RGS7: variants seen among roughly 807,000 people sequenced by gnomAD.
The protein encoded by RGS7 is regulator of G-protein signaling 7.
In RGS7, 27 loss-of-function variants were observed where a neutral mutation model predicts 81.1. The observed-to-expected ratio is 0.33, with a 90% confidence interval of 0.25 to 0.46. The LOEUF (loss-of-function observed/expected upper bound fraction) is 0.46, where lower values mean the gene tolerates loss of function less well. Ranked by LOEUF, RGS7 falls within the 20% of genes least tolerant of loss-of-function variation. RGS7 has a pLI of 1.00. For synonymous variants in RGS7, 208 were observed against 207.7 expected (o/e 1.00, Z -0.01); for missense variants, 396 against 607.4 (o/e 0.65, Z 3.66).
chr1:240,959,637 T>C (rs1216275986), intron 4 of RGS7, among the ~76,000 whole-genome samples: 1 of 152,194 alleles, frequency 6.6e-6, no homozygotes, highest in African/African-American at 2.4e-5. Context: ...TATATGACTA[T>C]ATATAATTTT....
chr1:241,077,431 G>T (rs2148886265), intron 3 of RGS7, among the ~76,000 whole-genome samples: 1 of 152,282 alleles, frequency 6.6e-6, no homozygotes. Flanking sequence ...GAAGGGATGG[G>T]CATACTACTG....
Position 241,148,232 on chromosome 1 carries a change from G to GA in RGS7, c.79-49471dup, listed in dbSNP as rs1346585566. On this transcript the variant is annotated intron_variant, in intron 2 of 18. Coordinates refer to ENST00000440928, the MANE Select transcript of RGS7 (RefSeq NM_001364886.1). Reference sequence around the variant, plus strand: ...TGCCCAGCTAATTTTTATAATTTTAGAAAAGACAAAATTTTGTCATGTTGG... The same window carrying GA: ...TGCCCAGCTAATTTTTATAATTTTAGAAAAAGACAAAATTTTGTCATGTTGG... 2.6e-5 allele frequency among the ~76,000 whole-genome samples: 4 copies of GA among 151,708 alleles called. No homozygotes were observed. In the East Asian group the frequency reaches 7.8e-4, roughly 29 times the overall value.
intron 18 of RGS7, among the ~76,000 whole-genome samples, chr1:240,787,212 C>G (rs956412808): frequency 1.3e-5 from 2 of 152,088 alleles, no homozygotes; most frequent in African/African-American, 4.8e-5. Flanking sequence ...TCTCACATAT[C>G]AATGTACTGT....
intron 3 of RGS7, among the ~76,000 whole-genome samples, chr1:241,022,459 T>C (rs1425122196): frequency 6.6e-6 from 1 of 152,216 alleles, no homozygotes; most frequent in Non-Finnish European, 1.5e-5. Context: ...GTCACTGTTG[T>C]AAAACCTGAG....
At chr1:241,324,023 T>C (rs1054284569) in intron 2 of RGS7, among the ~76,000 whole-genome samples, 1 of 152,160 alleles carries the variant, frequency 6.6e-6, no homozygotes, top group Non-Finnish European at 1.5e-5. Flanking sequence ...AAAATGGATA[T>C]AATAGCAATG....
At chr1:241,245,556 C>T (rs2076483810) in intron 2 of RGS7, among the ~76,000 whole-genome samples, 1 of 151,622 alleles carries the variant, frequency 6.6e-6, no homozygotes, top group Non-Finnish European at 1.5e-5. Context: ...CGCCTATAAT[C>T]CCAGCACTTT....
intron 3 of RGS7, among the ~76,000 whole-genome samples, chr1:240,995,206 G>A (rs1305957004): frequency 6.6e-6 from 1 of 152,084 alleles, no homozygotes; most frequent in African/African-American, 2.4e-5. Flanking sequence ...TGGTTATGGT[G>A]TATAATTATT....
intron 4 of RGS7, among the ~76,000 whole-genome samples, chr1:240,963,222 G>A (rs1362704249): frequency 5.9e-5 from 9 of 152,116 alleles, no homozygotes; most frequent in Non-Finnish European, 1.0e-4. Flanking sequence ...GAAGAATTTC[G>A]TCCATTTAGA....
At chr1:240,901,899 T>A (rs1670073726) in intron 6 of RGS7, among the ~76,000 whole-genome samples, 1 of 152,226 alleles carries the variant, frequency 6.6e-6, no homozygotes, top group South Asian at 2.1e-4. Flanking sequence ...TTATATATTT[T>A]CTCTGATACA....
intron 6 of RGS7, among the ~76,000 whole-genome samples, chr1:240,928,354 A>G (rs1674824164): frequency 6.6e-6 from 1 of 152,140 alleles, no homozygotes; most frequent in South Asian, 2.1e-4. Context: ...CTTCGCATAT[A>G]TGACCCTTTC....
intron 13 of RGS7, among the ~76,000 whole-genome samples, chr1:240,812,838 G>A (rs1458902607): frequency 1.3e-5 from 2 of 152,168 alleles, no homozygotes; most frequent in African/African-American, 4.8e-5. Context: ...TGATTCTGGT[G>A]TCAATTAAAT....
intron 2 of RGS7, among the ~76,000 whole-genome samples, chr1:241,142,813 C>G (rs1250575921): frequency 6.6e-6 from 1 of 152,170 alleles, no homozygotes. Context: ...CCTCAGAAAA[C>G]GGGATTTTCT....
chr1:241,141,209 G>A (rs979857519), intron 2 of RGS7, among the ~76,000 whole-genome samples: 11 of 152,120 alleles, frequency 7.2e-5, no homozygotes, highest in Admixed American at 7.2e-4. Flanking sequence ...AATGAGATGA[G>A]GAGTGAGGGG....
At chr1:241,221,563 G>A (rs1449806843) in intron 2 of RGS7, among the ~76,000 whole-genome samples, 2 of 152,196 alleles carry the variant, frequency 1.3e-5, no homozygotes, top group African/African-American at 2.4e-5. Flanking sequence ...TTGGCTGGGC[G>A]ACAACGCCCA....
chr1:240,947,054 T>C (rs1406897512), intron 4 of RGS7, among the ~76,000 whole-genome samples: 1 of 152,168 alleles, frequency 6.6e-6, no homozygotes, highest in East Asian at 1.9e-4. Context: ...GTAGGTGATA[T>C]TAACAAGAAG....
chr1:241,257,749 G>T (rs995238669), intron 2 of RGS7, among the ~76,000 whole-genome samples: 16 of 152,090 alleles, frequency 1.1e-4, no homozygotes, highest in African/African-American at 3.6e-4. Flanking sequence ...AAAAAATGTG[G>T]TCTACATTGC....
intron 2 of RGS7, among the ~76,000 whole-genome samples, chr1:241,190,429 A>G (rs1395348382): frequency 2.0e-5 from 3 of 152,126 alleles, no homozygotes; most frequent in African/African-American, 7.2e-5. Context: ...AGACTTTACT[A>G]TGTCGAGTTT....
intron 3 of RGS7, among the ~76,000 whole-genome samples, chr1:241,073,061 T>C (rs1195263292): frequency 6.6e-6 from 1 of 152,188 alleles, no homozygotes; most frequent in African/African-American, 2.4e-5. Context: ...CTGAGTTCCA[T>C]GGGGCAAACT....
At position 241,095,885 on chromosome 1, in the gene RGS7, G is replaced by A. The variant is rs532735198; in HGVS notation, c.175+2781C>T. Among the ~76,000 whole-genome samples, 7 of 152,202 alleles carry A rather than the reference G, an allele frequency of 4.6e-5. 1 individual carries two copies. The South Asian group carries it at 1.2e-3, about 27-fold the overall frequency. ...ACTGGAACTATGTGGCTGTAATTTC[G>A]CATTCTTTAACACATCTCTCCCTGT... On this transcript the variant is annotated intron_variant, in intron 3 of 18. Coordinates refer to ENST00000440928, the MANE Select transcript of RGS7 (RefSeq NM_001364886.1).
Sources: gnomAD v4.1 joint callset for allele counts (sites outside exome capture counted in the v4.1 genomes callset) on GRCh38, gnomAD v4.1.1 for gene constraint, MANE v1.5 for transcripts, NCBI Gene and HGNC (gene_info 2026-07-23, HGNC 2026-07-21) for gene names.